TNFRSF8: variants seen among roughly 807,000 people sequenced by gnomAD.
TNFRSF8 encodes the protein tumor necrosis factor receptor superfamily member 8.
A neutral mutation model predicts 70.8 loss-of-function variants in TNFRSF8; 26 were observed. The ratio of observed to expected loss-of-function variants is 0.37; its 90% CI spans 0.27 to 0.51. The LOEUF (loss-of-function observed/expected upper bound fraction) is 0.51, where lower values mean the gene tolerates loss of function less well. TNFRSF8 is among the 20% of genes least tolerant of loss of function. The pLI is 0.94. For missense variants in TNFRSF8, 720 were observed against 807.9 expected (o/e 0.89, Z 1.32); for synonymous variants, 356 against 339.2 (o/e 1.05, Z -0.54).
In TNFRSF8 at chr1:12,110,840, C is replaced by T. The variant is rs1429757968; in HGVS notation, c.676+636C>T. Among the ~76,000 whole-genome samples, 4 of 145,266 alleles carry T rather than the reference C, an allele frequency of 2.8e-5. No homozygotes were observed. The highest frequency in any genetic ancestry group is 5.2e-5 in the African/African-American group (2 of 38,272). On this transcript the variant is annotated intron_variant, in intron 6 of 14. Transcript: ENST00000263932. This position sits in a 1 kb window ranked among gnomAD's most constrained non-coding sequence, Gnocchi z 4.0. ...CTCGAACTCCCGACCTCAGGTGATC[C>T]GCCCACCTCGGCCTCCCAAAGTGCT...
chr1:12,127,365 C>T lies in TNFRSF8; in HGVS notation c.1309+1129C>T, dbSNP rs569938298. On this transcript the variant is annotated intron_variant, in intron 12 of 14. Transcript: ENST00000263932. ...GGGCTCAGCAAGGTGGACGGCTGGC[C>T]CAGGGCCACACAGCCTGGCAGTGGC... Among the ~76,000 whole-genome samples the T allele has an allele frequency of 3.3e-5, 5 of 152,364 alleles. No homozygotes were observed. The East Asian group carries it at 9.6e-4, about 29-fold the overall frequency.
Position 12,142,410 on chromosome 1 carries a change from A to C in TNFRSF8, c.1667A>C (p.His556Pro). The C allele has an allele frequency of 6.2e-7, 1 of 1,612,908 alleles. No homozygotes were observed. Among genetic ancestry groups the C allele is most frequent in the South Asian group, 1.1e-5 (1 of 90,904 alleles). The change falls in exon 15 of 15, where the codon CAT becomes CCT. Residue 556 changes from histidine (H) to proline (P), a missense_variant. His to Pro is a moderately conservative substitution (Grantham distance 77). Coordinates refer to ENST00000263932, the MANE Select transcript of TNFRSF8 (RefSeq NM_001243.5). This position sits in a 1 kb window ranked among gnomAD's most constrained non-coding sequence, Gnocchi z 5.0. The stretch of plus-strand genomic sequence containing the variant: ...TTGGAGGAGGAGCTGGAGGCGGACC[A>C]TACCCCCCACTACCCCGAGCAGGAG... ...PELEEELEAD[H>P]TPHYPEQETE...
rs371472066 is a variant in TNFRSF8 at position 12,097,184 on chromosome 1, G to C, written c.235G>C (p.Asp79His). The change falls in exon 3 of 15, where the codon GAC (aspartate) becomes CAC (histidine). Residue 79 changes from aspartate (D) to histidine (H), a missense_variant. Physicochemically the swap from Asp to His is moderately conservative, Grantham distance 81. Coordinates refer to ENST00000263932, the MANE Select transcript of TNFRSF8 (RefSeq NM_001243.5). ...GCCTGACTACTACCTGGATGAGGCC[G>C]ACCGCTGTACAGCCTGCGTGACTTG... ...CEPDYYLDEA[D>H]RCTACVTCSR... is the part of the protein sequence containing the mutation. 6.2e-7 allele frequency: 1 copy of C among 1,613,834 alleles called. No individual in the cohort carries two copies. The highest frequency in any genetic ancestry group is 1.3e-5 in the African/African-American group (1 of 74,914).
intron 8 of TNFRSF8, among the ~76,000 whole-genome samples, chr1:12,117,117 G>A (rs557403766): frequency 6.6e-6 from 1 of 151,888 alleles, no homozygotes; most frequent in South Asian, 2.1e-4. Flanking sequence ...GAGTCTCGCT[G>A]TCTTGCCCAG....
At chr1:12,114,501 C>CT (rs1478535263) in intron 7 of TNFRSF8, among the ~76,000 whole-genome samples, 1 of 151,226 alleles carries the variant, frequency 6.6e-6, no homozygotes, top group African/African-American at 2.4e-5. Flanking sequence ...TGCTGGGTCT[C>CT]TAAGTATCCT....
intron 2 of TNFRSF8, among the ~76,000 whole-genome samples, chr1:12,093,898 C>T (rs1641286656): frequency 2.0e-5 from 3 of 151,848 alleles, no homozygotes; most frequent in South Asian, 2.1e-4. Flanking sequence ...GGTGAAACCC[C>T]GTCTCTACTA....
intron 1 of TNFRSF8, among the ~76,000 whole-genome samples, chr1:12,068,928 G>C (rs1269458581): frequency 6.6e-6 from 1 of 150,644 alleles, no homozygotes; most frequent in African/African-American, 2.4e-5. Flanking sequence ...CTGGAGTGTA[G>C]TGGTGCGATC....
At chr1:12,073,183 C>T (rs1640876877) in intron 1 of TNFRSF8, among the ~76,000 whole-genome samples, 1 of 152,148 alleles carries the variant, frequency 6.6e-6, no homozygotes, top group Non-Finnish European at 1.5e-5. Flanking sequence ...CACGTGAGCC[C>T]AGGAGGTCAA....
Position 12,109,677 on chromosome 1 carries a change from C to T in TNFRSF8, c.512+21C>T. ...TCCAGGTGACTCCCTGGCTTTGCCTCCTCCTCTTCCCCCAAGCTGGCTTTC... is the reference window on the plus strand; with the variant it reads ...TCCAGGTGACTCCCTGGCTTTGCCTTCTCCTCTTCCCCCAAGCTGGCTTTC... On this transcript the variant is annotated intron_variant, in intron 5 of 14. Coordinates refer to ENST00000263932, the MANE Select transcript of TNFRSF8 (RefSeq NM_001243.5). The surrounding 1 kb of genome is among the most constrained non-coding windows in gnomAD (Gnocchi z 4.4). 1 of 1,601,184 alleles carries T rather than the reference C, an allele frequency of 6.2e-7. No homozygotes were observed. The highest frequency in any genetic ancestry group is 1.7e-5 in the Admixed American group (1 of 59,828).
At chr1:12,095,650 C>T (rs898280860) in intron 2 of TNFRSF8, among the ~76,000 whole-genome samples, 1 of 152,340 alleles carries the variant, frequency 6.6e-6, no homozygotes, top group East Asian at 1.9e-4. Flanking sequence ...TTGGATTCCT[C>T]TGCATTCCTG....
intron 1 of TNFRSF8, among the ~76,000 whole-genome samples, chr1:12,065,120 G>A (rs578186934): frequency 2.0e-5 from 2 of 99,836 alleles, no homozygotes; most frequent in East Asian, 3.3e-4. Context: ...TCTCACTCTT[G>A]TTGCCCATGC....
Position 12,063,353 on chromosome 1 carries a change from C to T in TNFRSF8, c.-246C>T. On this transcript the variant is annotated 5_prime_UTR_variant, in exon 1 of 15. Transcript: ENST00000263932. This position sits in a 1 kb window ranked among gnomAD's most constrained non-coding sequence, Gnocchi z 7.2. ...CCCCTTTTTTCTTCGCTGCTTGTAG[C>T]TAAGTGTTCCTGGAACCAATTTGAT... 2 of 388,404 alleles carry T rather than the reference C, an allele frequency of 5.1e-6. No homozygotes were observed. The highest frequency in any genetic ancestry group is 4.5e-6 in the Non-Finnish European group (1 of 219,962). The allele number at this position is 388,404 out of a possible 1,614,324, so 24.1% of individuals were successfully genotyped here.
intron 12 of TNFRSF8, among the ~76,000 whole-genome samples, chr1:12,129,990 C>T (rs372127353): frequency 3.3e-5 from 5 of 150,954 alleles, no homozygotes; most frequent in Non-Finnish European, 5.9e-5. Context: ...CTGCAACCCC[C>T]GCCTCCTGGG....
intron 8 of TNFRSF8, among the ~76,000 whole-genome samples, chr1:12,122,826 A>G (rs2101024639): frequency 6.6e-6 from 1 of 152,112 alleles, no homozygotes; most frequent in East Asian, 1.9e-4. Flanking sequence ...ACAAGTAGCA[A>G]CTTCTCCACT....
chr1:12,123,479 T>G (rs1570063476), intron 9 of TNFRSF8, 102 bp downstream of exon 9: 1 of 1,176,234 alleles, frequency 8.5e-7, no homozygotes, highest in South Asian at 1.5e-5. Flanking sequence ...GGGGTGGAGG[T>G]GGGGCCTGGG....
At position 12,097,083 on chromosome 1, in the gene TNFRSF8, C is replaced by T. The variant is rs775723874; in HGVS notation, c.152-18C>T. ...GCTAAGTCAGCCTGGCTTGGAGCTT[C>T]TCTGTTTCTTTTCCCAGGGCTGTTC... On this transcript the variant is annotated intron_variant, in intron 2 of 14. Coordinates refer to ENST00000263932, the MANE Select transcript of TNFRSF8 (RefSeq NM_001243.5). 3 of 1,608,264 alleles carry T rather than the reference C, an allele frequency of 1.9e-6. No homozygotes were observed. The highest frequency in any genetic ancestry group is 3.3e-5 in the Admixed American group (2 of 59,990).
At chr1:12,071,755 G>C (rs781281826) in intron 1 of TNFRSF8, among the ~76,000 whole-genome samples, 2 of 152,130 alleles carry the variant, frequency 1.3e-5, no homozygotes, top group African/African-American at 4.8e-5. Flanking sequence ...GTACAGACAG[G>C]TTTCACCATG....
chr1:12,117,575 G>C (rs1641756129), intron 8 of TNFRSF8, among the ~76,000 whole-genome samples: 1 of 152,140 alleles, frequency 6.6e-6, no homozygotes, highest in African/African-American at 2.4e-5. Flanking sequence ...CATGGGCCCA[G>C]GGTTCCCTGG....
At chr1:12,066,873 G>A (rs1420876357) in intron 1 of TNFRSF8, among the ~76,000 whole-genome samples, 29 of 151,402 alleles carry the variant, frequency 1.9e-4, no homozygotes, top group African/African-American at 7.3e-5. Context: ...GGCTGGTCTC[G>A]AGCTCCTGGC....
Sources: allele counts gnomAD v4.1 joint callset (sites outside exome capture counted in the v4.1 genomes callset), GRCh38; gene constraint gnomAD v4.1.1; non-coding constraint Gnocchi (gnomAD v3.1); transcripts MANE v1.5; gene names NCBI Gene and HGNC (gene_info 2026-07-23, HGNC 2026-07-21).